Variants in KCNMA1 observed in about 807,000 individuals in gnomAD.
KCNMA1 encodes the protein potassium calcium-activated channel subfamily M alpha 1.
Under a neutral mutation model 140.0 loss-of-function variants are expected in KCNMA1, and 29 were observed. That is an observed-to-expected ratio of 0.21 (90% CI 0.15 to 0.28). The LOEUF is 0.28. KCNMA1 is among the 10% of genes least tolerant of loss of function. The pLI is 1.00. For missense variants in KCNMA1, 880 were observed against 1,602.2 expected (o/e 0.55, Z 7.70); for synonymous variants, 612 against 611.9 (o/e 1.00, Z 0.00).
intron 5 of KCNMA1, among the ~76,000 whole-genome samples, chr10:77,130,107 C>G (rs1253936003): frequency 6.6e-6 from 1 of 152,128 alleles, no homozygotes; most frequent in Non-Finnish European, 1.5e-5. Flanking sequence ...CAAAAACTGA[C>G]TCTCAAAGCA....
At chr10:77,362,781 G>A (rs1412932958) in intron 2 of KCNMA1, among the ~76,000 whole-genome samples, 2 of 152,152 alleles carry the variant, frequency 1.3e-5, no homozygotes, top group African/African-American at 4.8e-5. Context: ...TCCATCACAA[G>A]GGCCTCTGAT....
intron 2 of KCNMA1, among the ~76,000 whole-genome samples, chr10:77,324,969 CTCTGTGTGTGTGTGTGTGTG>C: frequency 1.1e-5 from 1 of 95,152 alleles, no homozygotes; most frequent in East Asian, 2.7e-4. Context: ...CTCTCTCTCT[CTCTGTGTGTGTGTGTGTGTG>C]TGTGTGTGTG....
At chr10:77,554,349 C>T (rs1028263555) in intron 1 of KCNMA1, among the ~76,000 whole-genome samples, 2 of 152,050 alleles carry the variant, frequency 1.3e-5, no homozygotes, top group African/African-American at 4.8e-5. Context: ...ATAATCCCAG[C>T]ACTTTGGGAG....
intron 2 of KCNMA1, among the ~76,000 whole-genome samples, chr10:77,339,682 C>A (rs1372408806): frequency 3.9e-5 from 6 of 152,210 alleles, no homozygotes; most frequent in Non-Finnish European, 8.8e-5. Flanking sequence ...GCTGACACTG[C>A]AGTTTGGCTC....
At chr10:77,123,486 C>T (rs1485206124) in intron 5 of KCNMA1, among the ~76,000 whole-genome samples, 2 of 152,164 alleles carry the variant, frequency 1.3e-5, no homozygotes, top group Admixed American at 6.5e-5. Context: ...TCCAGCCCAA[C>T]CTAGACTGTT....
chr10:77,177,257 TCTTC>T (rs1234815337), intron 5 of KCNMA1, among the ~76,000 whole-genome samples: 2 of 151,748 alleles, frequency 1.3e-5, no homozygotes, highest in South Asian at 2.1e-4. Context: ...TTCCTTCCTT[TCTTC>T]CTTCCTTCTT....
chr10:77,348,865 A>G (rs189913673), intron 2 of KCNMA1, among the ~76,000 whole-genome samples: 1 of 152,288 alleles, frequency 6.6e-6, no homozygotes, highest in Admixed American at 6.5e-5. Context: ...ATCTTTGCAA[A>G]GGAAGGTGCT....
intron 1 of KCNMA1, among the ~76,000 whole-genome samples, chr10:77,445,966 G>A (rs2097522205): frequency 6.6e-6 from 1 of 152,210 alleles, no homozygotes; most frequent in South Asian, 2.1e-4. Flanking sequence ...GTGGGCTGGA[G>A]AGAGAGATAA....
chr10:77,103,590 C>T (rs55947905), intron 9 of KCNMA1, among the ~76,000 whole-genome samples: 25,693 of 152,138 alleles, frequency 0.17, 2,383 homozygotes, highest in Middle Eastern at 0.23. Context: ...ATGGAACTAC[C>T]TTTAAAGGAT....
chr10:77,377,301 T>C (rs2095186813), intron 2 of KCNMA1, among the ~76,000 whole-genome samples: 2 of 152,118 alleles, frequency 1.3e-5, no homozygotes. Flanking sequence ...TGACAAGGCC[T>C]CTCTCTTTCC....
chr10:76,956,849 G>A (rs749492471), intron 20 of KCNMA1, among the ~76,000 whole-genome samples: 3 of 152,086 alleles, frequency 2.0e-5, no homozygotes, highest in African/African-American at 2.4e-5. Flanking sequence ...TGGGCCGGGC[G>A]TGGTGGCTCA....
At chr10:77,604,603 C>T (rs1181250939) in intron 1 of KCNMA1, among the ~76,000 whole-genome samples, 3 of 152,012 alleles carry the variant, frequency 2.0e-5, no homozygotes, top group African/African-American at 7.3e-5. Context: ...ACCTATGTCG[C>T]TTGAACTCAG....
intron 1 of KCNMA1, among the ~76,000 whole-genome samples, chr10:77,446,673 G>C (rs1211496510): frequency 6.6e-6 from 1 of 152,214 alleles, no homozygotes; most frequent in East Asian, 1.9e-4. Context: ...CACTTGGGAA[G>C]ACACATCCCT....
intron 2 of KCNMA1, among the ~76,000 whole-genome samples, chr10:77,327,580 C>T (rs573382045): frequency 5.9e-5 from 9 of 152,186 alleles, no homozygotes; most frequent in Non-Finnish European, 1.0e-4. Context: ...GTCTCGAACT[C>T]TTGACCTCAG....
chr10:77,543,885 G>A (rs2060778307), intron 1 of KCNMA1, among the ~76,000 whole-genome samples: 1 of 152,130 alleles, frequency 6.6e-6, no homozygotes, highest in South Asian at 2.1e-4. Flanking sequence ...GGGCTCAAAA[G>A]TCTAAAATTG....
At chr10:77,590,305 G>C (rs890944635) in intron 1 of KCNMA1, among the ~76,000 whole-genome samples, 1 of 152,254 alleles carries the variant, frequency 6.6e-6, no homozygotes, top group African/African-American at 2.4e-5. Flanking sequence ...TTGGGTGGTC[G>C]ATGGGACTGG....
At chr10:77,268,975 C>T (rs2064212577) in intron 2 of KCNMA1, among the ~76,000 whole-genome samples, 2 of 152,068 alleles carry the variant, frequency 1.3e-5, no homozygotes, top group Non-Finnish European at 2.9e-5. Flanking sequence ...CCCAGCAGTC[C>T]CCAGCCTGGG....
At chr10:77,607,371 G>A (rs1365676197) in intron 1 of KCNMA1, among the ~76,000 whole-genome samples, 5 of 152,146 alleles carry the variant, frequency 3.3e-5, no homozygotes, top group Non-Finnish European at 7.4e-5. Flanking sequence ...TCTATATGCT[G>A]AGGTGGGCTG....
intron 14 of KCNMA1, among the ~76,000 whole-genome samples, chr10:77,056,598 G>A (rs2095549415): frequency 1.6e-5 from 2 of 128,456 alleles, no homozygotes; most frequent in African/African-American, 5.0e-5. Flanking sequence ...ATCAGCAGAT[G>A]CCAATGCCTA....
Sources: gnomAD v4.1 joint callset for allele counts (sites outside exome capture counted in the v4.1 genomes callset) on GRCh38, gnomAD v4.1.1 for gene constraint, MANE v1.5 for transcripts, NCBI Gene and HGNC (gene_info 2026-07-23, HGNC 2026-07-21) for gene names.